The following BYSL variants were observed in gnomAD, a reference collection of about 807,000 sequenced individuals.
BYSL encodes bystin.
A neutral mutation model predicts 45.4 loss-of-function variants in BYSL; 21 were observed. The ratio of observed to expected loss-of-function variants is 0.46; its 90% CI spans 0.33 to 0.67. The LOEUF (loss-of-function observed/expected upper bound fraction) is 0.67, where lower values mean the gene tolerates loss of function less well. BYSL is among the 30% of genes least tolerant of loss of function. The pLI is 0.02. For synonymous variants in BYSL, 215 were observed against 231.3 expected, an observed-to-expected ratio of 0.93 and a Z score of 0.64; for missense variants, 522 against 578.5, an observed-to-expected ratio of 0.90 and a Z score of 1.00.
intron 2 of BYSL, 68 bp downstream of exon 2, chr6:41,927,604 A>G: frequency 1.3e-6 from 2 of 1,579,460 alleles, no homozygotes; most frequent in African/African-American, 1.3e-5. Flanking sequence ...GTTCCCTGGC[A>G]GACTTATGAT....
the BYSL span, among the ~76,000 whole-genome samples, chr6:41,911,939 T>G: frequency 6.6e-6 from 1 of 152,166 alleles, no homozygotes; most frequent in Non-Finnish European, 1.5e-5. Context: ...ACTATATGAG[T>G]CTACAAGTGT....
rs1426975195 is a variant in BYSL, at chr6:41,932,843, T to C, written c.*137T>C. The C allele has an allele frequency of 1.6e-5, 15 of 938,582 alleles. No homozygotes were observed. Among genetic ancestry groups the C allele is most frequent in the Non-Finnish European group, 1.9e-5 (12 of 641,642 alleles). The allele number at this position is 938,582 out of a possible 1,614,324, so 58.1% of individuals were successfully genotyped here. Reference sequence around the variant, plus strand: ...GACAGATCACAGGGACATCTGTGGCTCCCAGTCCAGGACAGGAAGGACTGA... The same window carrying C: ...GACAGATCACAGGGACATCTGTGGCCCCCAGTCCAGGACAGGAAGGACTGA... On this transcript the variant is annotated 3_prime_UTR_variant, in exon 7 of 7. Transcript: ENST00000230340. This position sits in a 1 kb window ranked among gnomAD's most constrained non-coding sequence, Gnocchi z 4.7.
At chr6:41,931,122 C>CAGAATCGAGAGGAG (rs1775632375) in intron 4 of BYSL, among the ~76,000 whole-genome samples, 1 of 151,284 alleles carries the variant, frequency 6.6e-6, no homozygotes, top group South Asian at 2.1e-4. Context: ...CTCAGGGCTA[C>CAGAATCGAGAGGAG]TCAACTGATG....
At chr6:41,925,759 C>T (rs1775555740) in intron 1 of BYSL, among the ~76,000 whole-genome samples, 1 of 151,812 alleles carries the variant, frequency 6.6e-6, no homozygotes. Context: ...CGGCTCACCT[C>T]ACCTCAACCT....
the BYSL span, among the ~76,000 whole-genome samples, chr6:41,914,374 C>T: frequency 2.0e-5 from 3 of 152,026 alleles, no homozygotes; most frequent in Admixed American, 6.6e-5. Flanking sequence ...TAGTAGAGAG[C>T]CTGGAAAATA....
At chr6:41,931,642 G>A (rs542218171) in intron 5 of BYSL, 86 bp downstream of exon 5, 205 of 1,607,608 alleles carry the variant, frequency 1.3e-4, no homozygotes, top group Non-Finnish European at 1.7e-4. Context: ...ATTGCTAGCT[G>A]TCCCTGGGCT....
the BYSL span, among the ~76,000 whole-genome samples, chr6:41,915,573 G>T: frequency 6.6e-6 from 1 of 152,102 alleles, no homozygotes; most frequent in Non-Finnish European, 1.5e-5. Flanking sequence ...GGATCACAAG[G>T]TCAGGAGATC....
At chr6:41,912,199 CTT>C in the BYSL span, among the ~76,000 whole-genome samples, 3 of 119,268 alleles carry the variant, frequency 2.5e-5, no homozygotes, top group African/African-American at 7.1e-5. Context: ...CCATGCCCAC[CTT>C]TTTTTTTTTT....
chr6:41,915,856 T>C, the BYSL span, among the ~76,000 whole-genome samples: 1 of 152,050 alleles, frequency 6.6e-6, no homozygotes, highest in South Asian at 2.1e-4. Context: ...TTTAGTACCT[T>C]GGTTTTGGTG....
the BYSL span, among the ~76,000 whole-genome samples, chr6:41,912,461 A>C: frequency 2.0e-5 from 3 of 147,396 alleles, no homozygotes; most frequent in African/African-American, 7.6e-5. Context: ...AGTTCAAACG[A>C]TTCTCCTGCC....
the BYSL span, among the ~76,000 whole-genome samples, chr6:41,911,607 T>C: frequency 3.5e-4 from 53 of 152,194 alleles, 1 homozygote; most frequent in East Asian, 8.5e-3. Flanking sequence ...AACTGCAATA[T>C]GAAGAGAAGG....
chr6:41,921,638 G>A lies in BYSL; in HGVS notation c.76G>A (p.Gly26Arg), dbSNP rs1408513823. ...GCCCCTGGCCGATCAGATCCTGGCT[G>A]GGAATGCGGTGCGGGCGGGGGTCCG... ...HAPLADQILA[G>R]NAVRAGVREK... Residue 26 changes from glycine to arginine, a missense_variant, in exon 1 of 7, where the codon GGG (glycine) becomes AGG (arginine). By Grantham distance (125) the Gly-to-Arg change is moderately radical (BLOSUM62 -2). Transcript: ENST00000230340. 7.4e-6 allele frequency: 12 copies of A among 1,613,590 alleles called. No homozygotes were observed. The highest frequency in any genetic ancestry group is 7.6e-6 in the Non-Finnish European group (9 of 1,179,806).
chr6:41,912,802 C>A, the BYSL span, among the ~76,000 whole-genome samples: 1 of 152,216 alleles, frequency 6.6e-6, no homozygotes, highest in Non-Finnish European at 1.5e-5. Flanking sequence ...GCAGAACCAC[C>A]TGGGAACTTA....
At chr6:41,914,478 C>T in the BYSL span, among the ~76,000 whole-genome samples, 1 of 152,162 alleles carries the variant, frequency 6.6e-6, no homozygotes, top group Admixed American at 6.6e-5. Context: ...GAGTTACCTA[C>T]AGGTACACAG....
chr6:41,921,777 A>T lies in BYSL; in HGVS notation c.215A>T (p.Glu72Val). ...ARQQQEELEA[E>V]HGTGDKPAAP... ...CAGCAACAGGAGGAACTCGAGGCCG[A>T]GCATGGGACTGGGGACAAGCCCGCG... Residue 72 changes from glutamate (E) to valine (V), a missense_variant, in exon 1 of 7, where the codon GAG (glutamate) becomes GTG (valine). Glu to Val is a moderately radical substitution (Grantham distance 121, BLOSUM62 -2). Transcript: ENST00000230340. 6.2e-7 allele frequency: 1 copy of T among 1,613,122 alleles called. No homozygotes were observed. The highest frequency in any genetic ancestry group is 2.2e-5 in the East Asian group (1 of 44,818).
At chr6:41,910,538 A>T in the BYSL span, among the ~76,000 whole-genome samples, 1 of 151,842 alleles carries the variant, frequency 6.6e-6, no homozygotes, top group Non-Finnish European at 1.5e-5. Context: ...AGGCTGAGGC[A>T]CGAGAATCAC....
chr6:41,931,800 C>A lies in BYSL; in HGVS notation c.938C>A (p.Thr313Asn), dbSNP rs1022347796. The change falls in exon 6 of 7, where the codon ACC becomes AAC. Residue 313 changes from threonine to asparagine, a missense_variant. Physicochemically the swap from Thr to Asn is moderately conservative, Grantham distance 65. Transcript: ENST00000230340. ...REAIIVGSII[T>N]KCSIPVLHSS... is the part of the protein sequence containing the mutation. ...GCCATCATTGTGGGTAGCATCATCA[C>A]CAAGTGCTCCATCCCTGTGTTGCAC... 1.2e-6 allele frequency: 2 copies of A among 1,613,978 alleles called. No individual in the cohort carries two copies. The highest frequency in any genetic ancestry group is 2.7e-5 in the African/African-American group (2 of 74,888).
intron 1 of BYSL, among the ~76,000 whole-genome samples, chr6:41,926,692 G>C (rs1287211853): frequency 1.3e-5 from 2 of 150,678 alleles, no homozygotes; most frequent in African/African-American, 4.9e-5. Flanking sequence ...CTCGTGATCT[G>C]CCCGCCTCGG....
intron 1 of BYSL, 138 bp downstream of exon 1, chr6:41,921,968 T>C (rs1415314839): frequency 7.8e-7 from 1 of 1,274,218 alleles, no homozygotes; most frequent in Non-Finnish European, 1.0e-6. Context: ...GACTGAACCC[T>C]GTCTAGAGCC....
Sources: allele counts gnomAD v4.1 joint callset (sites outside exome capture counted in the v4.1 genomes callset), GRCh38; gene constraint gnomAD v4.1.1; non-coding constraint Gnocchi (gnomAD v3.1); transcripts MANE v1.5; gene names NCBI Gene and HGNC (gene_info 2026-07-23, HGNC 2026-07-21).